ARFGAP3: variants seen among roughly 807,000 people sequenced by gnomAD.
ARFGAP3 encodes the protein ARF GTPase activating protein 3.
Under a neutral mutation model 75.0 loss-of-function variants are expected in ARFGAP3, and 72 were observed. The ratio of observed to expected loss-of-function variants is 0.96; its 90% CI spans 0.79 to 1.17. The LOEUF is 1.17. Ranked by LOEUF, ARFGAP3 falls within the 50% of genes most tolerant of loss-of-function variation. ARFGAP3 has a pLI of 0.00. For synonymous variants in ARFGAP3, 221 were observed against 217.9 expected (o/e 1.01, Z -0.13); for missense variants, 620 against 626.6 (o/e 0.99, Z 0.11).
intron 7 of ARFGAP3, chr22:42,823,935 A>ACTTT: frequency 5.5e-6 from 1 of 182,742 alleles, no homozygotes; most frequent in Non-Finnish European, 1.0e-5. Flanking sequence ...GAGAAAATGT[A>ACTTT]TTTTTTTTTT....
intron 1 of ARFGAP3, among the ~76,000 whole-genome samples, chr22:42,852,679 C>T (rs553405662): frequency 1.1e-4 from 17 of 152,128 alleles, no homozygotes; most frequent in Non-Finnish European, 2.1e-4. Flanking sequence ...TAATACTGTT[C>T]AAACAAGGGC....
chr22:42,832,495 C>T (rs946357882), intron 5 of ARFGAP3, among the ~76,000 whole-genome samples: 1 of 147,176 alleles, frequency 6.8e-6, no homozygotes. Context: ...TGTGCCAGTG[C>T]ACTCCAACGT....
intron 12 of ARFGAP3, among the ~76,000 whole-genome samples, chr22:42,810,369 C>A (rs1350573697): frequency 6.6e-6 from 1 of 152,038 alleles, no homozygotes; most frequent in Non-Finnish European, 1.5e-5. Context: ...GAGGCTGAGG[C>A]AGGAGAATCG....
At chr22:42,851,457 G>A (rs191890985) in intron 1 of ARFGAP3, among the ~76,000 whole-genome samples, 4 of 151,030 alleles carry the variant, frequency 2.6e-5, no homozygotes, top group Admixed American at 6.6e-5. Flanking sequence ...AGCCCCATGA[G>A]GGGGGGGCCA....
At chr22:42,810,965 C>T (rs1467281915) in intron 11 of ARFGAP3, 21 bp from the exon 12 acceptor site, 1 of 1,611,844 alleles carries the variant, frequency 6.2e-7, no homozygotes, top group Non-Finnish European at 8.5e-7. Flanking sequence ...AAGAGTACAA[C>T]AGTGACTTTG....
chr22:42,817,574 T>C (rs745483290), intron 10 of ARFGAP3, among the ~76,000 whole-genome samples, 155 bp downstream of exon 10: 3 of 152,162 alleles, frequency 2.0e-5, no homozygotes, highest in Non-Finnish European at 2.9e-5. Context: ...TTTTTCATGT[T>C]ATACTGAATA....
chr22:42,811,929 C>A (rs999312113), intron 11 of ARFGAP3, among the ~76,000 whole-genome samples: 2 of 152,178 alleles, frequency 1.3e-5, no homozygotes, highest in African/African-American at 4.8e-5. Flanking sequence ...GTAATCCCAG[C>A]ACTTTGGGAG....
In ARFGAP3 at chr22:42,817,783, C is replaced by T. The variant is rs1229470164; in HGVS notation, c.887G>A (p.Gly296Asp). ...MKKDEKMNIS[G>D]KKNVDSDRLG... ...TCTGTCTGAGTCAACATTTTTTTTG[C>T]CACTAATGTTCATCTTTTCGTCTTT... Residue 296 changes from glycine to aspartate, a missense_variant, in exon 10 of 16, where the codon GGC becomes GAC. Gly to Asp is a moderately conservative substitution (Grantham distance 94). Coordinates refer to ENST00000263245, the MANE Select transcript of ARFGAP3 (RefSeq NM_014570.5). 2 of 1,613,228 alleles carry T rather than the reference C, an allele frequency of 1.2e-6. No homozygotes were observed. The highest frequency in any genetic ancestry group is 2.2e-5 in the East Asian group (1 of 44,792).
chr22:42,821,029 C>T (rs1047558927), intron 9 of ARFGAP3, among the ~76,000 whole-genome samples: 1 of 152,068 alleles, frequency 6.6e-6, no homozygotes, highest in African/African-American at 2.4e-5. Context: ...ATTATCGTTC[C>T]AACTCCTCCA....
At position 42,797,584 on chromosome 22, in the gene ARFGAP3, A is replaced by G. The variant is rs78711713; in HGVS notation, c.*4T>C. On this transcript the variant is annotated 3_prime_UTR_variant, in exon 16 of 16. Coordinates refer to ENST00000263245, the MANE Select transcript of ARFGAP3 (RefSeq NM_014570.5). Reference sequence around the variant, plus strand: ...TCCAGGAAATACACATCATGACTTCAGTATTAAGAACCGTAGCGATCCTGA... The same window carrying G: ...TCCAGGAAATACACATCATGACTTCGGTATTAAGAACCGTAGCGATCCTGA... 2.0e-3 allele frequency: 3,274 copies of G among 1,614,184 alleles called. 57 individuals carry two copies. In the African/African-American group the frequency reaches 0.037, roughly 18 times the overall value.
In ARFGAP3 at chr22:42,797,277, A is replaced by G; in HGVS notation, c.*311T>C. 1 of 356,876 alleles carries G rather than the reference A, an allele frequency of 2.8e-6. No homozygotes were observed. Among genetic ancestry groups the G allele is most frequent in the South Asian group, 3.4e-5 (1 of 29,772 alleles). 22.1% of individuals were successfully genotyped at this position (356,876 alleles called of 1,614,324 possible). A position where few individuals can be genotyped will look rare whatever the true frequency, so the allele number is the denominator to read the frequency against. ...CCCACATGAAGCCTCCTGGTTCAGG[A>G]GCAGGAGGAGCCGAGGTCTCCAGGC... On this transcript the variant is annotated 3_prime_UTR_variant, in exon 16 of 16. Transcript: ENST00000263245.
intron 14 of ARFGAP3, among the ~76,000 whole-genome samples, chr22:42,801,234 G>C (rs953160403): frequency 6.6e-6 from 1 of 152,226 alleles, no homozygotes; most frequent in Admixed American, 6.5e-5. Context: ...CAGGCTGAGA[G>C]GCAGGCGGAT....
At chr22:42,847,010 T>C (rs1279134690) in intron 2 of ARFGAP3, among the ~76,000 whole-genome samples, 1 of 152,228 alleles carries the variant, frequency 6.6e-6, no homozygotes, top group African/African-American at 2.4e-5. Flanking sequence ...CATCGCCTAG[T>C]GAGAACGCTG....
chr22:42,825,012 CTG>C (rs151036779), intron 7 of ARFGAP3, among the ~76,000 whole-genome samples: 1,608 of 152,368 alleles, frequency 0.011, 29 homozygotes, highest in African/African-American at 0.036. Flanking sequence ...AAGGACATGA[CTG>C]TTCTTTTTTA....
In ARFGAP3 at chr22:42,842,307, T is replaced by C. The variant is rs949350654; in HGVS notation, c.189-1291A>G. 2.2e-4 allele frequency among the ~76,000 whole-genome samples: 5 copies of C among 23,136 alleles called. No homozygotes were observed. The African/African-American group carries it at 2.4e-3, about 11-fold the overall frequency. 15.2% of individuals were successfully genotyped at this position (23,136 alleles called of 152,430 possible). ...GGCATGAGCCACCGTGCCTGGCCTTTTTTTTTTTTTTTTTTTTTTAAATAG... is the reference window on the plus strand; with the variant it reads ...GGCATGAGCCACCGTGCCTGGCCTTCTTTTTTTTTTTTTTTTTTTAAATAG... On this transcript the variant is annotated intron_variant, in intron 2 of 15. Coordinates refer to ENST00000263245, the MANE Select transcript of ARFGAP3 (RefSeq NM_014570.5).
chr22:42,822,164 C>T (rs1925838564), intron 9 of ARFGAP3, 106 bp downstream of exon 9: 1 of 889,320 alleles, frequency 1.1e-6, no homozygotes. Context: ...TTTGCAGTAC[C>T]CTCCCTTCCC....
At chr22:42,816,635 A>C (rs1925591622) in intron 11 of ARFGAP3, among the ~76,000 whole-genome samples, 1 of 152,220 alleles carries the variant, frequency 6.6e-6, no homozygotes, top group Non-Finnish European at 1.5e-5. Context: ...GTGAGTGCTG[A>C]AGGAGAGAAA....
chr22:42,808,285 C>T (rs917000998), intron 13 of ARFGAP3, among the ~76,000 whole-genome samples: 1 of 151,526 alleles, frequency 6.6e-6, no homozygotes, highest in Non-Finnish European at 1.5e-5. Flanking sequence ...GTATTCCCAG[C>T]TACTTGGGAG....
intron 7 of ARFGAP3, among the ~76,000 whole-genome samples, chr22:42,826,544 T>A (rs907787334): frequency 1.4e-4 from 22 of 151,880 alleles, no homozygotes; most frequent in African/African-American, 5.3e-4. Context: ...CACACTCAGG[T>A]AATTTTTGTT....
Sources: allele counts gnomAD v4.1 joint callset (sites outside exome capture counted in the v4.1 genomes callset), GRCh38; gene constraint gnomAD v4.1.1; transcripts MANE v1.5; gene names NCBI Gene and HGNC (gene_info 2026-07-23, HGNC 2026-07-21).